PLEKHA7: variants seen among roughly 807,000 people sequenced by gnomAD.
The protein encoded by PLEKHA7 is pleckstrin homology domain containing A7.
In PLEKHA7, 104 loss-of-function variants were observed where a neutral mutation model predicts 170.0. That is an observed-to-expected ratio of 0.61 (90% CI 0.52 to 0.72). The LOEUF is 0.72. PLEKHA7 is among the 30% of genes least tolerant of loss of function. PLEKHA7 has a pLI of 0.00. For missense variants in PLEKHA7, 1,615 were observed against 1,671.7 expected (o/e 0.97, Z 0.59); for synonymous variants, 648 against 660.8 (o/e 0.98, Z 0.30).
chr11:16,827,609 C>A (rs751351366), intron 9 of PLEKHA7, among the ~76,000 whole-genome samples: 11 of 152,094 alleles, frequency 7.2e-5, no homozygotes, highest in Admixed American at 5.2e-4. Context: ...TGGTCCATCT[C>A]CCTCTGTAAG....
intron 9 of PLEKHA7, among the ~76,000 whole-genome samples, chr11:16,830,286 T>C (rs1203676060): frequency 6.6e-6 from 1 of 152,098 alleles, no homozygotes; most frequent in East Asian, 1.9e-4. Flanking sequence ...GCCAGGCCTA[T>C]TTTCTTTATT....
intron 3 of PLEKHA7, among the ~76,000 whole-genome samples, chr11:16,907,379 G>A (rs1451751229): frequency 7.2e-6 from 1 of 138,790 alleles, no homozygotes; most frequent in Non-Finnish European, 1.6e-5. Context: ...CCATCCGGGA[G>A]GGAGGTGGTG....
At chr11:16,792,242 G>C (rs1847913186) in intron 19 of PLEKHA7, among the ~76,000 whole-genome samples, 1 of 152,156 alleles carries the variant, frequency 6.6e-6, no homozygotes, top group Non-Finnish European at 1.5e-5. Context: ...GATTGCCTTT[G>C]ATTGAATGGA....
At chr11:16,802,683 G>A (rs1402873365) in intron 15 of PLEKHA7, among the ~76,000 whole-genome samples, 1 of 152,126 alleles carries the variant, frequency 6.6e-6, no homozygotes, top group Non-Finnish European at 1.5e-5. Flanking sequence ...GAGTAGCTGG[G>A]ATTACAGGTG....
intron 13 of PLEKHA7, among the ~76,000 whole-genome samples, chr11:16,806,755 A>G (rs1208366001): frequency 2.0e-5 from 3 of 152,218 alleles, no homozygotes; most frequent in African/African-American, 7.2e-5. Context: ...CCACCGTGGC[A>G]TCTGAGGATA....
rs1183300984 is a variant in PLEKHA7 at position 16,958,649 on chromosome 11, T to C, written c.221+55340A>G. Among the ~76,000 whole-genome samples the C allele has an allele frequency of 2.0e-5, 3 of 152,306 alleles. No individual in the cohort carries two copies. In the East Asian group the frequency reaches 5.8e-4, roughly 29 times the overall value. On this transcript the variant is annotated intron_variant, in intron 3 of 26. Transcript: ENST00000531066. ...TCTGCAATAAGAAAAAGAACTATTC[T>C]GCAAGTGCAAGATATACAGATGTAT...
intron 10 of PLEKHA7, among the ~76,000 whole-genome samples, chr11:16,824,082 T>G (rs1401801385): frequency 1.3e-5 from 2 of 151,900 alleles, no homozygotes; most frequent in Non-Finnish European, 2.9e-5. Flanking sequence ...GGAGATAGAG[T>G]AGAATAATGG....
At chr11:16,981,080 G>A (rs1863399086) in intron 3 of PLEKHA7, among the ~76,000 whole-genome samples, 1 of 152,118 alleles carries the variant, frequency 6.6e-6, no homozygotes, top group African/African-American at 2.4e-5. Context: ...TCTAGGACAG[G>A]GAGTGACAAA....
chr11:16,799,785 G>A (rs1169414537), intron 17 of PLEKHA7, among the ~76,000 whole-genome samples: 1 of 152,180 alleles, frequency 6.6e-6, no homozygotes, highest in African/African-American at 2.4e-5. Context: ...GGAGGAAAAC[G>A]ACCCCAACAG....
At chr11:17,005,122 G>C (rs981903717) in intron 3 of PLEKHA7, among the ~76,000 whole-genome samples, 1 of 152,188 alleles carries the variant, frequency 6.6e-6, no homozygotes, top group African/African-American at 2.4e-5. Flanking sequence ...GACTTAACGG[G>C]GGGGGTAAAC....
intron 3 of PLEKHA7, among the ~76,000 whole-genome samples, chr11:16,882,111 G>A (rs1301688369): frequency 1.3e-5 from 2 of 152,190 alleles, no homozygotes; most frequent in African/African-American, 2.4e-5. Flanking sequence ...TGTTTTCACA[G>A]CTATGTTCCA....
At chr11:16,840,395 T>C (rs940097604) in intron 9 of PLEKHA7, among the ~76,000 whole-genome samples, 1 of 151,994 alleles carries the variant, frequency 6.6e-6, no homozygotes, top group Non-Finnish European at 1.5e-5. Context: ...ACCCCGTCTC[T>C]ACTAAATACA....
chr11:16,993,335 G>C (rs10766368), intron 3 of PLEKHA7, among the ~76,000 whole-genome samples: 31,793 of 152,002 alleles, frequency 0.21, 4,225 homozygotes, highest in East Asian at 0.38. Flanking sequence ...CGGGCAGAGT[G>C]GGGGGCAGGC....
intron 3 of PLEKHA7, among the ~76,000 whole-genome samples, chr11:17,009,982 C>G (rs1317446547): frequency 1.3e-5 from 2 of 152,030 alleles, no homozygotes; most frequent in African/African-American, 4.8e-5. Flanking sequence ...CTGGGAGAAC[C>G]AACAGTAGAT....
chr11:16,840,817 G>A lies in PLEKHA7; in HGVS notation c.872+730C>T, dbSNP rs114790873. 4.2e-3 allele frequency among the ~76,000 whole-genome samples: 644 copies of A among 152,204 alleles called. 7 individuals are homozygous for A. The highest frequency in any genetic ancestry group is 0.015 in the African/African-American group (613 of 41,512). ...AAAGCTAGGAAGTACCACGAATTCC[G>A]AAAACCACATATATGTGAAGTGGAA... On this transcript the variant is annotated intron_variant, in intron 9 of 26. Transcript: ENST00000531066.
chr11:17,003,629 G>C (rs1003110442), intron 3 of PLEKHA7, among the ~76,000 whole-genome samples: 1 of 152,188 alleles, frequency 6.6e-6, no homozygotes, highest in African/African-American at 2.4e-5. Context: ...ACCTGCCAAG[G>C]TCAGGGAGCT....
chr11:16,854,114 C>G (rs977798412), intron 6 of PLEKHA7, among the ~76,000 whole-genome samples: 4 of 152,180 alleles, frequency 2.6e-5, no homozygotes, highest in African/African-American at 9.7e-5. Context: ...TAGGACATGG[C>G]AGGCACTTTG....
At chr11:16,907,238 C>T (rs1452969349) in intron 3 of PLEKHA7, among the ~76,000 whole-genome samples, 2 of 139,838 alleles carry the variant, frequency 1.4e-5, no homozygotes, top group African/African-American at 2.9e-5. Flanking sequence ...CCTGGCCAGC[C>T]GCCCCGTCCG....
chr11:16,871,315 C>G, intron 3 of PLEKHA7, 133 bp from the exon 4 acceptor site: 1 of 648,774 alleles, frequency 1.5e-6, no homozygotes. Flanking sequence ...GGCCTTTCCT[C>G]TGAGACACAC....
Sources: gnomAD v4.1 joint callset for allele counts (sites outside exome capture counted in the v4.1 genomes callset) on GRCh38, gnomAD v4.1.1 for gene constraint, MANE v1.5 for transcripts, NCBI Gene and HGNC (gene_info 2026-07-23, HGNC 2026-07-21) for gene names.